Variants in SIPA1L1 observed in about 807,000 individuals in gnomAD.
SIPA1L1 encodes signal induced proliferation associated 1 like 1, also known as signal-induced proliferation-associated 1-like protein 1.
A neutral mutation model predicts 162.7 loss-of-function variants in SIPA1L1; 26 were observed. That is an observed-to-expected ratio of 0.16 (90% CI 0.12 to 0.22). The LOEUF is 0.22. Ranked by LOEUF, SIPA1L1 falls within the 10% of genes least tolerant of loss-of-function variation. SIPA1L1 has a pLI of 1.00. For synonymous variants in SIPA1L1, 829 were observed against 837.4 expected, an observed-to-expected ratio of 0.99 and a Z score of 0.17; for missense variants, 1,874 against 2,241.0, an observed-to-expected ratio of 0.84 and a Z score of 3.31.
At chr14:71,554,153 T>C (rs555356809) in intron 4 of SIPA1L1, among the ~76,000 whole-genome samples, 5 of 152,336 alleles carry the variant, frequency 3.3e-5, no homozygotes, top group African/African-American at 1.2e-4. Flanking sequence ...AGTTTAGAGA[T>C]TTTTTTCTGT....
intron 2 of SIPA1L1, among the ~76,000 whole-genome samples, chr14:71,339,443 A>G (rs1594888228): frequency 6.6e-6 from 1 of 150,638 alleles, no homozygotes; most frequent in South Asian, 2.1e-4. Flanking sequence ...GCTCACCGCA[A>G]CCTCCGCCTC....
At chr14:71,372,141 C>T (rs1302693423) in intron 2 of SIPA1L1, among the ~76,000 whole-genome samples, 1 of 152,130 alleles carries the variant, frequency 6.6e-6, no homozygotes, top group Admixed American at 6.5e-5. Context: ...TCAGTATATA[C>T]TGGGTGATTG....
At position 71,671,137 on chromosome 14, in the gene SIPA1L1, C is replaced by T. The variant is rs1223812863; in HGVS notation, c.2274C>T (p.Ser758=). The T allele has an allele frequency of 6.2e-7, 1 of 1,608,984 alleles. No individual in the cohort carries two copies. Residue 758 remains serine (S), a synonymous_variant, in exon 11 of 24, where the codon TCC becomes TCT. Coordinates refer to ENST00000381232, the MANE Select transcript of SIPA1L1 (RefSeq NM_001386936.1). ...SVCYSVAVTR[S]RDVPSFGPPI... ...CTCTCAGTGTGGCTGTTACCAGGTC[C>T]AGAGATGTGCCTTCCTTTGGGCCTC...
intron 3 of SIPA1L1, among the ~76,000 whole-genome samples, chr14:71,520,647 C>A (rs555756725): frequency 6.6e-6 from 1 of 152,282 alleles, no homozygotes; most frequent in Admixed American, 6.5e-5. Flanking sequence ...TTTTTTCTTT[C>A]AGCATTACAT....
At chr14:71,696,928 G>C (rs2081674594) in intron 13 of SIPA1L1, among the ~76,000 whole-genome samples, 1 of 152,192 alleles carries the variant, frequency 6.6e-6, no homozygotes, top group Non-Finnish European at 1.5e-5. Context: ...GAGAGAAAAA[G>C]ATGAATAATA....
chr14:71,434,363 T>C (rs1193550879), intron 2 of SIPA1L1, among the ~76,000 whole-genome samples: 2 of 152,216 alleles, frequency 1.3e-5, no homozygotes, highest in Non-Finnish European at 2.9e-5. Context: ...GTATCACAGA[T>C]GAAGTAAGTT....
intron 4 of SIPA1L1, among the ~76,000 whole-genome samples, chr14:71,547,540 C>T (rs751542096): frequency 9.2e-5 from 14 of 152,002 alleles, no homozygotes; most frequent in Non-Finnish European, 1.2e-4. Context: ...GTGATCCGTG[C>T]GCGTTGGCCT....
At chr14:71,724,525 T>G in intron 18 of SIPA1L1, 145 bp from the exon 19 acceptor site, 1 of 582,914 alleles carries the variant, frequency 1.7e-6, no homozygotes, top group Non-Finnish European at 2.9e-6. Flanking sequence ...ATGAGTAGAT[T>G]CGCATATAAA....
intron 2 of SIPA1L1, among the ~76,000 whole-genome samples, chr14:71,501,804 C>G (rs2050239104): frequency 6.6e-6 from 1 of 152,082 alleles, no homozygotes; most frequent in Admixed American, 6.6e-5. Context: ...GGGAGGATTG[C>G]TTGATTTCCA....
At chr14:71,546,376 C>CTTTTTTTTTTTTTTTTTTTTTTTTTT (rs11480749) in intron 4 of SIPA1L1, among the ~76,000 whole-genome samples, 2 of 116,928 alleles carry the variant, frequency 1.7e-5, no homozygotes, top group African/African-American at 3.3e-5. Flanking sequence ...CTTTTTCTTT[C>CTTTTTTTTTTTTTTTTTTTTTTTTTT]TTTTTTTTTT....
At chr14:71,441,902 T>C (rs572071142) in intron 2 of SIPA1L1, among the ~76,000 whole-genome samples, 2 of 152,044 alleles carry the variant, frequency 1.3e-5, no homozygotes, top group Non-Finnish European at 2.9e-5. Flanking sequence ...CCAGGTGTGG[T>C]GGCTCCTGCC....
chr14:71,702,486 T>C lies in SIPA1L1; in HGVS notation c.3627T>C (p.Asp1209=), dbSNP rs2149844490. Residue 1209 remains aspartate (D), a synonymous_variant, in exon 15 of 24, where the codon GAT becomes GAC. Coordinates refer to ENST00000381232, the MANE Select transcript of SIPA1L1 (RefSeq NM_001386936.1). ...CGCCTAGCTGGCAAAGAAGTGAGGATAGCATTGCTGACCAGATGGGTAAGT... is the reference window on the plus strand; with the variant it reads ...CGCCTAGCTGGCAAAGAAGTGAGGACAGCATTGCTGACCAGATGGGTAAGT... The part of the protein sequence containing the change: ...KSTPSWQRSE[D]SIADQMEPTC... 6.2e-7 allele frequency: 1 copy of C among 1,614,194 alleles called. No individual in the cohort carries two copies.
intron 4 of SIPA1L1, among the ~76,000 whole-genome samples, chr14:71,546,672 A>G (rs2055241024): frequency 6.6e-6 from 1 of 151,990 alleles, no homozygotes; most frequent in Non-Finnish European, 1.5e-5. Context: ...TCCTTTTTTA[A>G]TGAATTCTTA....
At chr14:71,667,404 CTT>C (rs1012915688) in intron 10 of SIPA1L1, among the ~76,000 whole-genome samples, 1 of 152,178 alleles carries the variant, frequency 6.6e-6, no homozygotes, top group Non-Finnish European at 1.5e-5. Flanking sequence ...TCCCACCAGA[CTT>C]TGAGTTTCTG....
intron 2 of SIPA1L1, among the ~76,000 whole-genome samples, chr14:71,401,612 A>G (rs552462779): frequency 6.6e-6 from 1 of 152,190 alleles, no homozygotes; most frequent in Admixed American, 6.5e-5. Context: ...ATTTTTCTTT[A>G]TATTACTTTC....
intron 17 of SIPA1L1, among the ~76,000 whole-genome samples, chr14:71,714,695 C>T (rs904166054): frequency 6.6e-6 from 1 of 152,094 alleles, no homozygotes; most frequent in Non-Finnish European, 1.5e-5. Flanking sequence ...GATCCTCCCA[C>T]CTTAGCCTCC....
chr14:71,715,870 C>G lies in SIPA1L1; in HGVS notation c.4208+6206C>G, dbSNP rs74806355. Among the ~76,000 whole-genome samples, 1,133 of 152,314 alleles carry G rather than the reference C, an allele frequency of 7.4e-3. 14 individuals are homozygous for G. Among genetic ancestry groups the G allele is most frequent in the African/African-American group, 0.026 (1,063 of 41,566 alleles). ...TTAGATGCAAAACTTGGACATGACA[C>G]TCTTCTCAGCTATGCCCAATAAAAT... On this transcript the variant is annotated intron_variant, in intron 17 of 23. Transcript: ENST00000381232.
chr14:71,603,288 T>G (rs909534024), intron 5 of SIPA1L1, among the ~76,000 whole-genome samples: 3 of 152,188 alleles, frequency 2.0e-5, no homozygotes, highest in African/African-American at 7.2e-5. Flanking sequence ...ATATATATTT[T>G]TTTTCAAATC....
At chr14:71,639,484 T>A (rs1010728698) in intron 7 of SIPA1L1, among the ~76,000 whole-genome samples, 2 of 152,368 alleles carry the variant, frequency 1.3e-5, no homozygotes, top group Non-Finnish European at 2.9e-5. Flanking sequence ...ATATTAATCA[T>A]GTCAGTGTTC....
Sources: gnomAD v4.1 joint callset for allele counts (sites outside exome capture counted in the v4.1 genomes callset) on GRCh38, gnomAD v4.1.1 for gene constraint, MANE v1.5 for transcripts, NCBI Gene and HGNC (gene_info 2026-07-23, HGNC 2026-07-21) for gene names.